Variants in ITPR1 observed in about 807,000 individuals in gnomAD.
The protein encoded by ITPR1 is inositol 1,4,5-trisphosphate-gated calcium channel ITPR1.
In ITPR1, 96 loss-of-function variants were observed where a neutral mutation model predicts 318.4. That is an observed-to-expected ratio of 0.30 (90% CI 0.26 to 0.36). The LOEUF is 0.36. ITPR1 is among the 10% of genes least tolerant of loss of function. The pLI is 1.00. For missense variants in ITPR1, 2,440 were observed against 3,460.2 expected (o/e 0.71, Z 7.40); for synonymous variants, 1,312 against 1,289.9 (o/e 1.02, Z -0.37).
At chr3:4,648,652 A>G (rs1327607060) in intron 10 of ITPR1, among the ~76,000 whole-genome samples, 3 of 152,274 alleles carry the variant, frequency 2.0e-5, no homozygotes, top group South Asian at 2.1e-4. Flanking sequence ...TCTACTAAAA[A>G]TACAAAAATT....
intron 44 of ITPR1, among the ~76,000 whole-genome samples, chr3:4,754,521 T>C (rs115694971): frequency 0.033 from 4,949 of 152,242 alleles, 110 homozygotes; most frequent in Non-Finnish European, 0.047. Context: ...ATACTTGTCA[T>C]TGAATCATAG....
intron 44 of ITPR1, chr3:4,750,895 G>A (rs945658073): frequency 6.6e-6 from 1 of 152,564 alleles, no homozygotes; most frequent in African/African-American, 2.4e-5. Context: ...GTTTTCTAAG[G>A]TGTGTTTTTT....
chr3:4,668,869 T>C (rs1389141972), intron 18 of ITPR1, among the ~76,000 whole-genome samples: 3 of 152,248 alleles, frequency 2.0e-5, no homozygotes, highest in Non-Finnish European at 4.4e-5. Flanking sequence ...GCGTTTTTAT[T>C]ATAGATTAGT....
At chr3:4,616,308 C>T (rs1427536537) in intron 4 of ITPR1, among the ~76,000 whole-genome samples, 3 of 152,218 alleles carry the variant, frequency 2.0e-5, no homozygotes, top group African/African-American at 4.8e-5. Flanking sequence ...ATGAGGCTTA[C>T]AGTCTAATAA....
At chr3:4,558,193 A>G (rs1423932908) in intron 4 of ITPR1, among the ~76,000 whole-genome samples, 2 of 152,208 alleles carry the variant, frequency 1.3e-5, no homozygotes, top group Non-Finnish European at 2.9e-5. Context: ...TTAATTGGAC[A>G]TACAGCTACC....
intron 40 of ITPR1, among the ~76,000 whole-genome samples, chr3:4,723,966 T>C (rs1329894423): frequency 6.6e-6 from 1 of 152,238 alleles, no homozygotes; most frequent in African/African-American, 2.4e-5. Flanking sequence ...TTTAATTCTT[T>C]AGCATACAGA....
Position 4,674,341 on chromosome 3 carries a change from G to A in ITPR1, c.2596G>A (p.Glu866Lys). The change falls in exon 22 of 62, where the codon GAG (glutamate) becomes AAG (lysine). Residue 866 changes from glutamate to lysine, a missense_variant and splice_region_variant. Transcript: ENST00000649015. ...TAAAGAGAAGAATAAGCTTACGTTTGAGGTAACTCATGATGAAATCTTCTA... is the reference window on the plus strand; with the variant it reads ...TAAAGAGAAGAATAAGCTTACGTTTAAGGTAACTCATGATGAAATCTTCTA... The part of the protein sequence containing the change: ...SDKEKNKLTF[E>K]VVNLARNLIY... 6.2e-7 allele frequency: 1 copy of A among 1,605,322 alleles called. No individual in the cohort carries two copies. Among genetic ancestry groups the A allele is most frequent in the Non-Finnish European group, 8.5e-7 (1 of 1,176,040 alleles).
At chr3:4,734,130 A>G (rs1025500969) in intron 43 of ITPR1, among the ~76,000 whole-genome samples, 8 of 152,238 alleles carry the variant, frequency 5.3e-5, no homozygotes, top group Non-Finnish European at 8.8e-5. Context: ...TCATGGAGCT[A>G]TGCTGGCTTC....
intron 59 of ITPR1, among the ~76,000 whole-genome samples, chr3:4,816,524 T>C (rs2049314237): frequency 6.6e-6 from 1 of 152,200 alleles, no homozygotes; most frequent in Non-Finnish European, 1.5e-5. Flanking sequence ...GTAGCTAGGA[T>C]TACAGGTGCC....
intron 3 of ITPR1, among the ~76,000 whole-genome samples, chr3:4,518,812 G>A (rs1417613913): frequency 6.6e-6 from 1 of 152,222 alleles, no homozygotes; most frequent in African/African-American, 2.4e-5. Context: ...GCTAACGCCT[G>A]TAATCCCAGC....
chr3:4,565,466 GATTA>G (rs2087134638), intron 4 of ITPR1, among the ~76,000 whole-genome samples: 1 of 152,190 alleles, frequency 6.6e-6, no homozygotes, highest in Admixed American at 6.5e-5. Context: ...GTACTGAGAA[GATTA>G]ATTAGTTAAT....
intron 49 of ITPR1, among the ~76,000 whole-genome samples, chr3:4,781,080 T>C (rs2046806239): frequency 6.6e-6 from 1 of 152,210 alleles, no homozygotes; most frequent in East Asian, 1.9e-4. Flanking sequence ...TCAAATCGCA[T>C]GTAACATGTT....
chr3:4,607,527 G>T (rs2091786252), intron 4 of ITPR1, among the ~76,000 whole-genome samples: 1 of 152,146 alleles, frequency 6.6e-6, no homozygotes, highest in Non-Finnish European at 1.5e-5. Flanking sequence ...AATTGCAAGA[G>T]AGAGAGTTTT....
At chr3:4,775,204 G>A (rs778333444) in intron 46 of ITPR1, 38 bp from the exon 47 acceptor site, 1 of 1,440,388 alleles carries the variant, frequency 6.9e-7, no homozygotes, top group Admixed American at 1.7e-5. Flanking sequence ...TCTTCCCTCT[G>A]CCTTTGCTCA....
chr3:4,609,148 TTTGGAGGGG>T (rs1377662561), intron 4 of ITPR1, among the ~76,000 whole-genome samples: 6 of 139,754 alleles, frequency 4.3e-5, no homozygotes, highest in African/African-American at 1.6e-4. Flanking sequence ...TAATCACCAT[TTTGGAGGGG>T]TGGGGTCATT....
chr3:4,801,282 G>A (rs930630164), intron 54 of ITPR1, among the ~76,000 whole-genome samples: 28 of 152,214 alleles, frequency 1.8e-4, no homozygotes, highest in African/African-American at 6.8e-4. Flanking sequence ...TCTGCCCTGA[G>A]TATATAAGGA....
In ITPR1 at chr3:4,692,825, A is replaced by G. The variant is rs142263726; in HGVS notation, c.4030-665A>G. Among the ~76,000 whole-genome samples, 439 of 152,308 alleles carry G rather than the reference A, an allele frequency of 2.9e-3. 1 individual carries two copies. The highest frequency in any genetic ancestry group is 4.9e-3 in the Admixed American group (75 of 15,290). ...GTAAAGGGGATACATTGTAAAGCAT[A>G]AAAATAAGATGGAGGCAGGGCACAT... On this transcript the variant is annotated intron_variant, in intron 32 of 61. Transcript: ENST00000649015.
intron 52 of ITPR1, among the ~76,000 whole-genome samples, chr3:4,793,391 TACAC>T (rs1447593486): frequency 6.6e-6 from 1 of 152,218 alleles, no homozygotes; most frequent in Non-Finnish European, 1.5e-5. Context: ...GAGCTTTTTA[TACAC>T]ACACTAGTGT....
At chr3:4,806,379 A>T (rs987652931) in intron 55 of ITPR1, 112 bp downstream of exon 55, 11 of 1,063,716 alleles carry the variant, frequency 1.0e-5, no homozygotes, top group African/African-American at 1.6e-5. Context: ...TGCCTGGTCC[A>T]CCAAGATTGA....
Sources: gnomAD v4.1 joint callset for allele counts (sites outside exome capture counted in the v4.1 genomes callset) on GRCh38, gnomAD v4.1.1 for gene constraint, MANE v1.5 for transcripts, NCBI Gene and HGNC (gene_info 2026-07-23, HGNC 2026-07-21) for gene names.